DPYSL2: variants seen among roughly 807,000 people sequenced by gnomAD.
The protein encoded by DPYSL2 is dihydropyrimidinase like 2.
In DPYSL2, 13 loss-of-function variants were observed where a neutral mutation model predicts 69.9. The observed-to-expected ratio is 0.19, with a 90% CI of 0.12 to 0.30. The LOEUF is 0.30. Among genes scored for constraint, DPYSL2 ranks in the 10% least tolerant of loss-of-function variants. The probability of loss-of-function intolerance (pLI) is 1.00; values close to 1 mark genes in which losing one functional copy is unlikely to be tolerated. For synonymous variants in DPYSL2, 326 were observed against 359.1 expected (o/e 0.91, Z 1.04); for missense variants, 587 against 918.9 (o/e 0.64, Z 4.67).
rs904035177 is a variant in DPYSL2 at position 26,610,553 on chromosome 8, G to C, written c.629-13590G>C. Among the ~76,000 whole-genome samples, 1 of 152,126 alleles carries C rather than the reference G, an allele frequency of 6.6e-6. No individual in the cohort carries two copies. Among genetic ancestry groups the C allele is most frequent in the East Asian group, 1.9e-4 (1 of 5,174 alleles). On this transcript the variant is annotated intron_variant, in intron 3 of 13. Transcript: ENST00000521913. This position sits in a 1 kb window ranked among gnomAD's most constrained non-coding sequence, Gnocchi z 4.5. ...GACTTAGCTAGATGAGTGACTCAAA[G>C]TTCCATGCCTGGGGCCCTCCACCCT...
At chr8:26,578,382 G>A (rs1321845012) in intron 1 of DPYSL2, 1 of 1,590,878 alleles carries the variant, frequency 6.3e-7, no homozygotes, top group Non-Finnish European at 8.5e-7. Context: ...GAGGGGAAAG[G>A]AGAGGGACCG....
At position 26,582,248 on chromosome 8, in the gene DPYSL2, A is replaced by G. The variant is rs1457847968; in HGVS notation, c.443+191A>G. ...AACTCAAATTTAGGGAATTCAAAGCAACAATTAATGTACACCCGTTGCATT... is the reference window on the plus strand; with the variant it reads ...AACTCAAATTTAGGGAATTCAAAGCGACAATTAATGTACACCCGTTGCATT... On this transcript the variant is annotated intron_variant, in intron 2 of 13. Coordinates refer to ENST00000521913, the MANE Select transcript of DPYSL2 (RefSeq NM_001197293.3). The surrounding 1 kb of genome is among the most constrained non-coding windows in gnomAD (Gnocchi z 4.1). 1.3e-5 allele frequency among the ~76,000 whole-genome samples: 2 copies of G among 152,242 alleles called. No individual in the cohort carries two copies. The highest frequency in any genetic ancestry group is 4.8e-5 in the African/African-American group (2 of 41,466).
At chr8:26,570,344 C>T (rs1340403691) in intron 1 of DPYSL2, among the ~76,000 whole-genome samples, 2 of 152,106 alleles carry the variant, frequency 1.3e-5, no homozygotes, top group Non-Finnish European at 2.9e-5. Context: ...GGAATGTGGA[C>T]TGGGGACAGT....
In DPYSL2 at chr8:26,654,161, C is replaced by T. The variant is rs564364983; in HGVS notation, c.1942+764C>T. Among the ~76,000 whole-genome samples the T allele has an allele frequency of 3.9e-5, 6 of 152,240 alleles. No homozygotes were observed. The highest frequency in any genetic ancestry group is 2.1e-4 in the South Asian group (1 of 4,814). On this transcript the variant is annotated intron_variant, in intron 13 of 13. Coordinates refer to ENST00000521913, the MANE Select transcript of DPYSL2 (RefSeq NM_001197293.3). This position sits in a 1 kb window ranked among gnomAD's most constrained non-coding sequence, Gnocchi z 5.0. The stretch of plus-strand genomic sequence containing the variant: ...ATGGCAATAATAGTAGTTGCTCCCC[C>T]GTGAGGTTGTTGTGAGGGTTAAATG...
At chr8:26,581,127 T>A (rs1287221318) in intron 1 of DPYSL2, among the ~76,000 whole-genome samples, 1 of 152,230 alleles carries the variant, frequency 6.6e-6, no homozygotes, top group Non-Finnish European at 1.5e-5. Flanking sequence ...GTCTTTTTGC[T>A]ATACTTGCTG....
intron 7 of DPYSL2, among the ~76,000 whole-genome samples, chr8:26,628,778 C>T (rs1452607481): frequency 6.6e-6 from 1 of 152,144 alleles, no homozygotes; most frequent in Non-Finnish European, 1.5e-5. Flanking sequence ...TGAGTGGAGG[C>T]TGACAGTGAG....
At chr8:26,546,969 A>G (rs186513487) in intron 1 of DPYSL2, among the ~76,000 whole-genome samples, 11 of 150,874 alleles carry the variant, frequency 7.3e-5, no homozygotes, top group African/African-American at 2.2e-4. Flanking sequence ...AAAATCCTGC[A>G]GAAACTGAAA....
chr8:26,648,252 T>C lies in DPYSL2; in HGVS notation c.1596+452T>C, dbSNP rs1035680562. Among the ~76,000 whole-genome samples the C allele has an allele frequency of 6.6e-6, 1 of 152,180 alleles. No homozygotes were observed. The highest frequency in any genetic ancestry group is 1.5e-5 in the Non-Finnish European group (1 of 68,028). The stretch of plus-strand genomic sequence containing the variant: ...TCAGGCCAGTATCCATGCAGAAAAC[T>C]GGATGACAGCCATTCTTATTATCTT... On this transcript the variant is annotated intron_variant, in intron 11 of 13. Coordinates refer to ENST00000521913, the MANE Select transcript of DPYSL2 (RefSeq NM_001197293.3). This position sits in a 1 kb window ranked among gnomAD's most constrained non-coding sequence, Gnocchi z 4.3.
chr8:26,544,401 A>G (rs1275517397), intron 1 of DPYSL2, among the ~76,000 whole-genome samples: 5 of 152,242 alleles, frequency 3.3e-5, no homozygotes, highest in African/African-American at 1.2e-4. Flanking sequence ...ACAATATTTC[A>G]TATGAATTTT....
chr8:26,537,932 A>G (rs1363371764), intron 1 of DPYSL2, among the ~76,000 whole-genome samples: 1 of 152,172 alleles, frequency 6.6e-6, no homozygotes. Flanking sequence ...TCCTTGGCTC[A>G]TATAACCTTA....
chr8:26,516,389 G>A lies in DPYSL2; in HGVS notation c.354+1710G>A, dbSNP rs1232967592. On this transcript the variant is annotated intron_variant, in intron 1 of 13. Coordinates refer to ENST00000521913, the MANE Select transcript of DPYSL2 (RefSeq NM_001197293.3). The surrounding 1 kb of genome is among the most constrained non-coding windows in gnomAD (Gnocchi z 4.8). ...TGGTTGAGTGAGTAGCCTCATGCAT[G>A]GCGAGTTGTGCTGGTGATTGTGATG... is the stretch of plus-strand genomic sequence containing the variant. Among the ~76,000 whole-genome samples, 2 of 152,130 alleles carry A rather than the reference G, an allele frequency of 1.3e-5. No individual in the cohort carries two copies. The highest frequency in any genetic ancestry group is 2.4e-5 in the African/African-American group (1 of 41,408).
chr8:26,597,565 C>T lies in DPYSL2; in HGVS notation c.628+13582C>T, dbSNP rs1214858196. On this transcript the variant is annotated intron_variant, in intron 3 of 13. Coordinates refer to ENST00000521913, the MANE Select transcript of DPYSL2 (RefSeq NM_001197293.3). This position sits in a 1 kb window ranked among gnomAD's most constrained non-coding sequence, Gnocchi z 5.2. The stretch of plus-strand genomic sequence containing the variant: ...TCTCAGCTCACTGCAAGCTCCGCCT[C>T]CCAGGTTCACGCCATTCTCCTGCCT... 2.0e-5 allele frequency among the ~76,000 whole-genome samples: 3 copies of T among 152,096 alleles called. No individual in the cohort carries two copies. The highest frequency in any genetic ancestry group is 2.0e-4 in the Admixed American group (3 of 15,272).
intron 1 of DPYSL2, among the ~76,000 whole-genome samples, chr8:26,575,933 C>T (rs540595432): frequency 6.6e-6 from 1 of 152,152 alleles, no homozygotes; most frequent in Non-Finnish European, 1.5e-5. Context: ...TGGTTTTTCA[C>T]AAGTAGAGAG....
rs1420921256 is a variant in DPYSL2 at position 26,620,548 on chromosome 8, G to A, written c.629-3595G>A. On this transcript the variant is annotated intron_variant, in intron 3 of 13. Coordinates refer to ENST00000521913, the MANE Select transcript of DPYSL2 (RefSeq NM_001197293.3). The surrounding 1 kb of genome is among the most constrained non-coding windows in gnomAD (Gnocchi z 4.5). The stretch of plus-strand genomic sequence containing the variant: ...TCAAAAAGCTGCTCTATTTAGTACT[G>A]ATTGAGATGAATGGAGCAAAATAGC... Among the ~76,000 whole-genome samples the A allele has an allele frequency of 6.6e-6, 1 of 152,184 alleles. No individual in the cohort carries two copies. The highest frequency in any genetic ancestry group is 1.5e-5 in the Non-Finnish European group (1 of 68,034).
chr8:26,596,266 G>A (rs1013349515), intron 3 of DPYSL2, among the ~76,000 whole-genome samples: 2 of 152,202 alleles, frequency 1.3e-5, no homozygotes, highest in Non-Finnish European at 2.9e-5. Flanking sequence ...ACAGTTAGAT[G>A]GGGCTTCAGC....
At chr8:26,632,038 C>T (rs1054949888) in intron 7 of DPYSL2, among the ~76,000 whole-genome samples, 5 of 152,200 alleles carry the variant, frequency 3.3e-5, no homozygotes, top group African/African-American at 1.2e-4. Context: ...CTATCCATCA[C>T]TAGCATGATG....
At chr8:26,603,673 CT>C (rs1441082732) in intron 3 of DPYSL2, among the ~76,000 whole-genome samples, 4 of 152,198 alleles carry the variant, frequency 2.6e-5, no homozygotes, top group Non-Finnish European at 4.4e-5. Flanking sequence ...CCATTCCCAC[CT>C]TTCTCTAGCC....
chr8:26,517,679 T>C lies in DPYSL2; in HGVS notation c.354+3000T>C, dbSNP rs557895336. Among the ~76,000 whole-genome samples the C allele has an allele frequency of 6.6e-6, 1 of 152,294 alleles. No homozygotes were observed. Among genetic ancestry groups the C allele is most frequent in the South Asian group, 2.1e-4 (1 of 4,818 alleles). ...TGGCTCCACCAGCAATACTGGACCA[T>C]AAGAATGCTTTTCAAAGGGGCCTCT... On this transcript the variant is annotated intron_variant, in intron 1 of 13. Transcript: ENST00000521913. This position sits in a 1 kb window ranked among gnomAD's most constrained non-coding sequence, Gnocchi z 4.2.
At position 26,605,673 on chromosome 8, in the gene DPYSL2, AG is replaced by A. The variant is rs1802092395; in HGVS notation, c.629-18469del. Among the ~76,000 whole-genome samples the A allele has an allele frequency of 1.3e-5, 2 of 152,232 alleles. No homozygotes were observed. The highest frequency in any genetic ancestry group is 1.3e-4 in the Admixed American group (2 of 15,280). On this transcript the variant is annotated intron_variant, in intron 3 of 13. Coordinates refer to ENST00000521913, the MANE Select transcript of DPYSL2 (RefSeq NM_001197293.3). The surrounding 1 kb of genome is among the most constrained non-coding windows in gnomAD (Gnocchi z 4.1). ...TAAAAATAATGTATTAAAAATTAAT[AG>A]CTTCCCTGTATGTCATAAATAACCA...
Sources: allele counts gnomAD v4.1 joint callset (sites outside exome capture counted in the v4.1 genomes callset), GRCh38; gene constraint gnomAD v4.1.1; non-coding constraint Gnocchi (gnomAD v3.1); transcripts MANE v1.5; gene names NCBI Gene and HGNC (gene_info 2026-07-23, HGNC 2026-07-21).